EEPD1: variants seen among roughly 807,000 people sequenced by gnomAD.
The protein encoded by EEPD1 is endonuclease/exonuclease/phosphatase family domain-containing protein 1.
EEPD1 carries 17 observed loss-of-function variants against 46.3 expected under a neutral mutation model. That is an observed-to-expected ratio of 0.37 (90% CI 0.25 to 0.55). The LOEUF (loss-of-function observed/expected upper bound fraction) is 0.55. EEPD1 is among the 20% of genes least tolerant of loss of function. The pLI is 0.83. For synonymous variants in EEPD1, 313 were observed against 315.6 expected (o/e 0.99, Z 0.09); for missense variants, 673 against 745.6 (o/e 0.90, Z 1.13).
rs116883157 is a variant in EEPD1, at chr7:36,281,324, C to T, written c.1041+99C>T. 3,315 of 1,077,494 alleles carry T rather than the reference C, an allele frequency of 3.1e-3. 10 individuals carry two copies. The highest frequency in any genetic ancestry group is 5.7e-3 in the Middle Eastern group (28 of 4,874). 66.7% of individuals were successfully genotyped at this position (1,077,494 alleles called of 1,614,324 possible). ...TAAAAATTTCCTTTGCCAATATCCC[C>T]GGTTCAATTTTGTATTTCTGCCCAA... On this transcript the variant is annotated intron_variant, in intron 4 of 7. Transcript: ENST00000242108.
At chr7:36,255,703 T>C (rs1562703689) in intron 3 of EEPD1, among the ~76,000 whole-genome samples, 1 of 152,250 alleles carries the variant, frequency 6.6e-6, no homozygotes, top group Non-Finnish European at 1.5e-5. Flanking sequence ...ATTGTTTCTA[T>C]TTGATTCTTC....
At chr7:36,203,221 A>G (rs1785746468) in intron 2 of EEPD1, among the ~76,000 whole-genome samples, 2 of 152,200 alleles carry the variant, frequency 1.3e-5, no homozygotes, top group Admixed American at 1.3e-4. Context: ...GGAGGCACAC[A>G]GTAACTTTGA....
chr7:36,196,410 C>T (rs1785586627), intron 2 of EEPD1, among the ~76,000 whole-genome samples: 2 of 152,080 alleles, frequency 1.3e-5, no homozygotes, highest in South Asian at 4.1e-4. Context: ...TCTCCCTCTC[C>T]CTCTCCCATC....
chr7:36,210,562 G>A (rs1398227130), intron 2 of EEPD1, among the ~76,000 whole-genome samples: 2 of 152,064 alleles, frequency 1.3e-5, no homozygotes, highest in Non-Finnish European at 2.9e-5. Context: ...GTCATCCTGC[G>A]GCTATTAGAA....
In EEPD1 at chr7:36,287,617, T is replaced by C. The variant is rs1299545041; in HGVS notation, c.1177-22T>C. 4 of 1,610,248 alleles carry C rather than the reference T, an allele frequency of 2.5e-6. No individual in the cohort carries two copies. In the East Asian group the frequency reaches 8.9e-5, roughly 36 times the overall value. On this transcript the variant is annotated intron_variant, in intron 5 of 7. Coordinates refer to ENST00000242108, the MANE Select transcript of EEPD1 (RefSeq NM_030636.3). The stretch of plus-strand genomic sequence containing the variant: ...TATGAGCTTCTGAGCCTCTCCCTGT[T>C]GCTTTGTTTCCTGCTGCCTAGGTGG...
chr7:36,210,883 C>T (rs780718948), intron 2 of EEPD1, among the ~76,000 whole-genome samples: 4 of 152,194 alleles, frequency 2.6e-5, no homozygotes, highest in Non-Finnish European at 5.9e-5. Context: ...ATCTGAATTA[C>T]ACACTTTATT....
chr7:36,258,662 A>G (rs576961011), intron 3 of EEPD1, among the ~76,000 whole-genome samples: 2 of 152,094 alleles, frequency 1.3e-5, no homozygotes, highest in South Asian at 2.1e-4. Flanking sequence ...GTAATGACGG[A>G]CGCCCCTCCC....
At chr7:36,197,337 G>A (rs1785622506) in intron 2 of EEPD1, among the ~76,000 whole-genome samples, 1 of 151,442 alleles carries the variant, frequency 6.6e-6, no homozygotes, top group Admixed American at 6.6e-5. Context: ...CAGGAGGTGA[G>A]GGGCGCCTCT....
At chr7:36,280,029 A>C (rs1787236009) in intron 3 of EEPD1, among the ~76,000 whole-genome samples, 2 of 152,300 alleles carry the variant, frequency 1.3e-5, no homozygotes, top group African/African-American at 4.8e-5. Flanking sequence ...CAGTGGAATC[A>C]GTGCGCTGGT....
rs1784775067 is a variant in EEPD1, at chr7:36,154,241, T to G, written c.-84T>G. ...CCTGCACCTTCCGTTTTTCTGTGCTTGTACGGCCTACTGGGCTTCCTCCCT... is the reference window on the plus strand; with the variant it reads ...CCTGCACCTTCCGTTTTTCTGTGCTGGTACGGCCTACTGGGCTTCCTCCCT... On this transcript the variant is annotated 5_prime_UTR_variant, in exon 2 of 8. Transcript: ENST00000242108. The surrounding 1 kb of genome is among the most constrained non-coding windows in gnomAD (Gnocchi z 4.2). 6.8e-7 allele frequency: 1 copy of G among 1,466,004 alleles called. No homozygotes were observed. Among genetic ancestry groups the G allele is most frequent in the East Asian group, 2.4e-5 (1 of 41,254 alleles). 90.8% of individuals were successfully genotyped at this position (1,466,004 alleles called of 1,614,324 possible).
intron 3 of EEPD1, among the ~76,000 whole-genome samples, chr7:36,247,388 G>T (rs1419405384): frequency 6.6e-6 from 1 of 152,140 alleles, no homozygotes; most frequent in Non-Finnish European, 1.5e-5. Flanking sequence ...CGTGCTTTTG[G>T]AGTGTTATTC....
chr7:36,231,481 A>C (rs1401407361), intron 2 of EEPD1, among the ~76,000 whole-genome samples: 2 of 152,140 alleles, frequency 1.3e-5, no homozygotes, highest in African/African-American at 4.8e-5. Flanking sequence ...ATGAGGACCA[A>C]GCTCCAGGCC....
At chr7:36,177,399 GT>G (rs944661478) in intron 2 of EEPD1, among the ~76,000 whole-genome samples, 10 of 152,112 alleles carry the variant, frequency 6.6e-5, no homozygotes, top group African/African-American at 2.4e-4. Context: ...CCAGTAGGGA[GT>G]TTTTTCAACC....
chr7:36,242,521 T>C (rs956217531), intron 3 of EEPD1, among the ~76,000 whole-genome samples: 13 of 152,152 alleles, frequency 8.5e-5, no homozygotes, highest in African/African-American at 3.1e-4. Flanking sequence ...TGGCAAACAT[T>C]TCTTGAAAAG....
chr7:36,157,512 T>C (rs913566534), intron 2 of EEPD1, among the ~76,000 whole-genome samples: 1 of 152,194 alleles, frequency 6.6e-6, no homozygotes, highest in African/African-American at 2.4e-5. Context: ...GATGATTTGC[T>C]GAAGACATTG....
At position 36,269,294 on chromosome 7, in the gene EEPD1, T is replaced by C. The variant is rs561122439; in HGVS notation, c.931-11821T>C. Reference sequence around the variant, plus strand: ...GGAAAAAATTAAGGTGAGGACTATTTGTCTTCAGATGAAAAAAACTAAGCT... The same window carrying C: ...GGAAAAAATTAAGGTGAGGACTATTCGTCTTCAGATGAAAAAAACTAAGCT... On this transcript the variant is annotated intron_variant, in intron 3 of 7. Coordinates refer to ENST00000242108, the MANE Select transcript of EEPD1 (RefSeq NM_030636.3). 6.7e-4 allele frequency among the ~76,000 whole-genome samples: 102 copies of C among 152,320 alleles called. 3 individuals are homozygous for C. In the South Asian group the frequency reaches 0.021, roughly 31 times the overall value.
intron 2 of EEPD1, among the ~76,000 whole-genome samples, chr7:36,204,428 G>A (rs916332595): frequency 2.0e-5 from 3 of 152,204 alleles, no homozygotes; most frequent in Admixed American, 2.0e-4. Context: ...ATGAGGAGGA[G>A]GAGGAGAAGG....
intron 3 of EEPD1, among the ~76,000 whole-genome samples, chr7:36,244,243 C>G (rs1445590254): frequency 6.6e-6 from 1 of 151,996 alleles, no homozygotes; most frequent in Non-Finnish European, 1.5e-5. Context: ...TCGCTTCTAG[C>G]CAGACAGTCC....
intron 2 of EEPD1, among the ~76,000 whole-genome samples, chr7:36,198,352 A>G (rs1450508878): frequency 6.9e-6 from 1 of 144,922 alleles, no homozygotes; most frequent in African/African-American, 2.5e-5. Context: ...GAAAAAAAAA[A>G]AAAAAAGAAA....
Sources: gnomAD v4.1 joint callset for allele counts (sites outside exome capture counted in the v4.1 genomes callset) on GRCh38, gnomAD v4.1.1 for gene constraint, Gnocchi (gnomAD v3.1) non-coding constraint, MANE v1.5 for transcripts, NCBI Gene and HGNC (gene_info 2026-07-23, HGNC 2026-07-21) for gene names.